MARK3: variants seen among roughly 807,000 people sequenced by gnomAD.
MARK3 encodes the protein MAP/microtubule affinity-regulating kinase 3.
MARK3 carries 46 observed loss-of-function variants against 90.1 expected under a neutral mutation model. The ratio of observed to expected loss-of-function variants is 0.51; its 90% CI spans 0.40 to 0.65. The LOEUF (loss-of-function observed/expected upper bound fraction) is 0.65. Ranked by LOEUF, MARK3 falls within the 30% of genes least tolerant of loss-of-function variation. The pLI, the probability that MARK3 is intolerant of heterozygous loss-of-function variation, is 0.00. For synonymous variants in MARK3, 321 were observed against 332.6 expected, an observed-to-expected ratio of 0.97 and a Z score of 0.38; for missense variants, 818 against 947.2, an observed-to-expected ratio of 0.86 and a Z score of 1.79.
At chr14:103,405,975 C>A (rs1448546957) in intron 2 of MARK3, among the ~76,000 whole-genome samples, 3 of 151,962 alleles carry the variant, frequency 2.0e-5, no homozygotes, top group Non-Finnish European at 2.9e-5. Context: ...ACTATAGCCT[C>A]AACCTCCTGG....
In MARK3 at chr14:103,451,899, GTCCTC is replaced by G; in HGVS notation, c.347-10_347-6del. On this transcript the variant is annotated splice_polypyrimidine_tract_variant and intron_variant, in intron 4 of 17. Transcript: ENST00000429436. ...AGACATTTGTCTCTTTTTCTTCCGTGTCCTCTCCTCTCCCGCAGTGAAGTTATTCG... is the reference window on the plus strand; with the variant it reads ...AGACATTTGTCTCTTTTTCTTCCGTGTCCTCTCCCGCAGTGAAGTTATTCG... The G allele has an allele frequency of 6.3e-7, 1 of 1,588,240 alleles. No homozygotes were observed. The highest frequency in any genetic ancestry group is 8.6e-7 in the Non-Finnish European group (1 of 1,162,196).
In MARK3 at chr14:103,467,991, G is replaced by A. The variant is rs751833986; in HGVS notation, c.1111-42G>A. The A allele has an allele frequency of 2.5e-6, 4 of 1,598,254 alleles. No individual in the cohort carries two copies. In the South Asian group the frequency reaches 3.4e-5, roughly 14 times the overall value. On this transcript the variant is annotated intron_variant, in intron 11 of 17. Coordinates refer to ENST00000429436, the MANE Select transcript of MARK3 (RefSeq NM_001128918.3). ...TTTAACTTCCTAATAAGCCATTTGGGTTCGTGTTGTGGTTTGCTCTGTTTT... is the reference window on the plus strand; with the variant it reads ...TTTAACTTCCTAATAAGCCATTTGGATTCGTGTTGTGGTTTGCTCTGTTTT...
At chr14:103,453,860 A>G (rs1157984648) in intron 5 of MARK3, among the ~76,000 whole-genome samples, 1 of 152,268 alleles carries the variant, frequency 6.6e-6, no homozygotes. Context: ...CCATGAGGAA[A>G]TGGAGGCTGG....
intron 3 of MARK3, among the ~76,000 whole-genome samples, chr14:103,435,015 C>CAGT (rs1185832068): frequency 2.6e-5 from 4 of 152,114 alleles, no homozygotes; most frequent in African/African-American, 9.7e-5. Context: ...GTAGCAGTAG[C>CAGT]AGTAGTGGCC....
At chr14:103,477,170 A>G (rs868666123) in intron 13 of MARK3, among the ~76,000 whole-genome samples, 8 of 152,174 alleles carry the variant, frequency 5.3e-5, no homozygotes, top group African/African-American at 1.9e-4. Flanking sequence ...TGACTGCTCT[A>G]TCTTTGTTTA....
At chr14:103,399,188 G>A (rs906065956) in intron 1 of MARK3, among the ~76,000 whole-genome samples, 3 of 152,074 alleles carry the variant, frequency 2.0e-5, no homozygotes, top group Non-Finnish European at 2.9e-5. Flanking sequence ...TTTTAAATGT[G>A]TCTAAGAAAT....
At chr14:103,443,689 A>C (rs899741333) in intron 3 of MARK3, among the ~76,000 whole-genome samples, 1 of 152,250 alleles carries the variant, frequency 6.6e-6, no homozygotes, top group African/African-American at 2.4e-5. Context: ...TTGGGAGACC[A>C]GACCAGCCTG....
At chr14:103,501,207 GCCCCAGCAGC>G (rs2075645141) in intron 17 of MARK3, among the ~76,000 whole-genome samples, 1 of 152,222 alleles carries the variant, frequency 6.6e-6, no homozygotes, top group South Asian at 2.1e-4. Context: ...GGTCCAGGCT[GCCCCAGCAGC>G]CCCAGCTCTG....
chr14:103,495,123 C>T (rs975838058), intron 15 of MARK3, among the ~76,000 whole-genome samples: 4 of 152,130 alleles, frequency 2.6e-5, no homozygotes, highest in Non-Finnish European at 5.9e-5. Flanking sequence ...TAGTCCACCC[C>T]ATTTTGTAAA....
chr14:103,402,381 T>C (rs2091014945), intron 1 of MARK3, among the ~76,000 whole-genome samples: 1 of 152,014 alleles, frequency 6.6e-6, no homozygotes, highest in African/African-American at 2.4e-5. Context: ...AGTGAAACCC[T>C]GTCTCTACTA....
chr14:103,482,717 G>T (rs1019852059), intron 14 of MARK3, among the ~76,000 whole-genome samples: 2 of 152,054 alleles, frequency 1.3e-5, no homozygotes, highest in Admixed American at 1.3e-4. Flanking sequence ...ATATATGCCT[G>T]TGTCTTCTGA....
intron 1 of MARK3, among the ~76,000 whole-genome samples, chr14:103,392,391 C>A (rs983105870): frequency 2.0e-5 from 3 of 152,154 alleles, no homozygotes; most frequent in Non-Finnish European, 4.4e-5. Context: ...GCTTTAGAAC[C>A]GTGATCACTG....
intron 3 of MARK3, among the ~76,000 whole-genome samples, chr14:103,444,750 C>T (rs949042050): frequency 2.6e-5 from 4 of 151,982 alleles, no homozygotes; most frequent in African/African-American, 9.7e-5. Flanking sequence ...ATACTCCAGC[C>T]TGGGCGACAG....
intron 1 of MARK3, among the ~76,000 whole-genome samples, chr14:103,396,833 C>T (rs373474373): frequency 6.6e-6 from 1 of 152,010 alleles, no homozygotes; most frequent in Non-Finnish European, 1.5e-5. Flanking sequence ...CCTTTGGGTG[C>T]CTAGAGCTGC....
rs537351150 is a variant in MARK3 at position 103,475,986 on chromosome 14, C to G, written c.1482+776C>G. Among the ~76,000 whole-genome samples, 13 of 151,920 alleles carry G rather than the reference C, an allele frequency of 8.6e-5. No individual in the cohort carries two copies. In the South Asian group the frequency reaches 2.5e-3, roughly 29 times the overall value. ...ACTAATCCCTTCATGAAGGCGGAGC[C>G]CTCGTGGCCTAAACACCTAAAAGAC... On this transcript the variant is annotated intron_variant, in intron 13 of 17. Coordinates refer to ENST00000429436, the MANE Select transcript of MARK3 (RefSeq NM_001128918.3).
At chr14:103,411,643 A>G (rs1191270575) in intron 2 of MARK3, among the ~76,000 whole-genome samples, 1 of 149,518 alleles carries the variant, frequency 6.7e-6, no homozygotes, top group Non-Finnish European at 1.5e-5. Flanking sequence ...TTTTTTGGTG[A>G]GATGGAGTCT....
At chr14:103,443,662 G>C (rs1343559702) in intron 3 of MARK3, among the ~76,000 whole-genome samples, 1 of 152,158 alleles carries the variant, frequency 6.6e-6, no homozygotes, top group Non-Finnish European at 1.5e-5. Context: ...CTTTAAAATA[G>C]GTTACCTACC....
intron 2 of MARK3, among the ~76,000 whole-genome samples, chr14:103,411,891 G>T (rs902728194): frequency 3.0e-4 from 46 of 151,212 alleles, no homozygotes; most frequent in African/African-American, 8.8e-4. Context: ...AAAGTGCTGG[G>T]ATTACAGGTG....
chr14:103,394,457 A>G (rs1476851510), intron 1 of MARK3, among the ~76,000 whole-genome samples: 3 of 152,082 alleles, frequency 2.0e-5, no homozygotes, highest in Non-Finnish European at 4.4e-5. Flanking sequence ...GGGGCATCCA[A>G]TTTTGTCTTC....
Sources: allele counts gnomAD v4.1 joint callset (sites outside exome capture counted in the v4.1 genomes callset), GRCh38; gene constraint gnomAD v4.1.1; transcripts MANE v1.5; gene names NCBI Gene and HGNC (gene_info 2026-07-23, HGNC 2026-07-21).